The following DGKB variants were observed in gnomAD, a reference collection of about 807,000 sequenced individuals.
The protein encoded by DGKB is 90 kDa diacylglycerol kinase.
In DGKB, 67 loss-of-function variants were observed where a neutral mutation model predicts 114.3. The ratio of observed to expected loss-of-function variants is 0.59; its 90% CI spans 0.48 to 0.72. The LOEUF (loss-of-function observed/expected upper bound fraction) is 0.72, where lower values mean the gene tolerates loss of function less well. DGKB is among the 30% of genes least tolerant of loss of function. DGKB has a pLI of 0.00. For synonymous variants in DGKB, 398 were observed against 323.1 expected (o/e 1.23, Z -2.49); for missense variants, 907 against 975.2 (o/e 0.93, Z 0.93).
chr7:14,879,015 C>A (rs1853801672), intron 1 of DGKB, among the ~76,000 whole-genome samples: 1 of 151,724 alleles, frequency 6.6e-6, no homozygotes, highest in African/African-American at 2.4e-5. Context: ...TATTTTGGTG[C>A]TCAAAAACAC....
intron 18 of DGKB, among the ~76,000 whole-genome samples, chr7:14,582,531 T>C (rs1183415164): frequency 6.6e-6 from 1 of 152,168 alleles, no homozygotes; most frequent in Non-Finnish European, 1.5e-5. Context: ...TTAGGTTCCC[T>C]ATCTCTACAT....
chr7:14,891,366 C>G (rs1781201508), intron 1 of DGKB, among the ~76,000 whole-genome samples: 1 of 151,416 alleles, frequency 6.6e-6, no homozygotes, highest in Non-Finnish European at 1.5e-5. Flanking sequence ...AGTTCACCTA[C>G]TTATTCAGTG....
chr7:14,809,897 G>A (rs1586658379), intron 2 of DGKB, among the ~76,000 whole-genome samples: 1 of 152,104 alleles, frequency 6.6e-6, no homozygotes, highest in African/African-American at 2.4e-5. Flanking sequence ...GAATATCAGG[G>A]TGTTTGCACA....
intron 23 of DGKB, among the ~76,000 whole-genome samples, chr7:14,280,735 C>A (rs1210027061): frequency 2.7e-5 from 4 of 149,156 alleles, no homozygotes; most frequent in African/African-American, 9.9e-5. Context: ...AATTTTCAAC[C>A]CAGAATTTCA....
intron 23 of DGKB, among the ~76,000 whole-genome samples, chr7:14,188,647 G>A (rs1289390020): frequency 4.5e-4 from 40 of 88,140 alleles, no homozygotes; most frequent in African/African-American, 1.3e-3. Flanking sequence ...GCGACAAAGC[G>A]AGACTCCGTC....
At chr7:14,272,384 A>G (rs1436681295) in intron 23 of DGKB, among the ~76,000 whole-genome samples, 3 of 152,208 alleles carry the variant, frequency 2.0e-5, no homozygotes, top group Non-Finnish European at 4.4e-5. Flanking sequence ...ACGTAAAATT[A>G]TAGGTTTGAA....
intron 23 of DGKB, among the ~76,000 whole-genome samples, chr7:14,214,099 T>A (rs1035513603): frequency 6.6e-6 from 1 of 152,118 alleles, no homozygotes; most frequent in African/African-American, 2.4e-5. Flanking sequence ...AATTATTTCC[T>A]AACTGGTCTC....
intron 1 of DGKB, among the ~76,000 whole-genome samples, chr7:14,874,085 T>G (rs1852891103): frequency 6.6e-6 from 1 of 152,124 alleles, no homozygotes; most frequent in African/African-American, 2.4e-5. Context: ...AAGGTTGAGT[T>G]TCTCCAGTTG....
intron 4 of DGKB, among the ~76,000 whole-genome samples, chr7:14,740,686 T>G (rs1832454372): frequency 6.6e-6 from 1 of 152,114 alleles, no homozygotes; most frequent in African/African-American, 2.4e-5. Context: ...ATATCATGGA[T>G]AGAGGTCATA....
intron 25 of DGKB, among the ~76,000 whole-genome samples, chr7:14,169,852 C>G (rs577568756): frequency 6.6e-6 from 1 of 151,962 alleles, no homozygotes; most frequent in African/African-American, 2.4e-5. Flanking sequence ...TACATTAAGG[C>G]AGCCAGGTGC....
At chr7:14,778,662 C>A (rs948368685) in intron 2 of DGKB, among the ~76,000 whole-genome samples, 1 of 151,998 alleles carries the variant, frequency 6.6e-6, no homozygotes, top group Admixed American at 6.6e-5. Context: ...GAAAAACATA[C>A]CTAAACTAAG....
chr7:14,191,809 C>CCAAA (rs1309847729), intron 23 of DGKB: 1 of 422,214 alleles, frequency 2.4e-6, no homozygotes, highest in Admixed American at 2.6e-5. Context: ...CTATTCTGCA[C>CCAAA]CAAACAGGCT....
intron 9 of DGKB, among the ~76,000 whole-genome samples, chr7:14,690,180 T>C (rs1456647340): frequency 2.0e-5 from 3 of 152,246 alleles, no homozygotes. Flanking sequence ...ATTTCAGAAA[T>C]TGAAGCCTTA....
rs189593284 is a variant in DGKB, at chr7:14,631,279, A to G, written c.1135-1011T>C. Reference sequence around the variant, plus strand: ...AGCAAGAACCAAAAAAAAAAAAAAAAAAAGAAAAAAATAGCTGAATCTGAG... The same window carrying G: ...AGCAAGAACCAAAAAAAAAAAAAAAGAAAGAAAAAAATAGCTGAATCTGAG... On this transcript the variant is annotated intron_variant, in intron 13 of 25. Transcript: ENST00000402815. Among the ~76,000 whole-genome samples the G allele has an allele frequency of 3.2e-3, 452 of 143,256 alleles. 2 individuals are homozygous for G. Among genetic ancestry groups the G allele is most frequent in the South Asian group, 0.013 (63 of 4,782 alleles). 94.0% of individuals were successfully genotyped at this position (143,256 alleles called of 152,430 possible).
intron 25 of DGKB, among the ~76,000 whole-genome samples, chr7:14,160,092 AT>A (rs1449509842): frequency 1.1e-4 from 17 of 152,226 alleles, no homozygotes; most frequent in African/African-American, 3.6e-4. Flanking sequence ...TGAGAATGAT[AT>A]GATATAATCT....
chr7:14,368,919 G>A (rs536772645), intron 21 of DGKB, among the ~76,000 whole-genome samples: 4 of 151,982 alleles, frequency 2.6e-5, no homozygotes, highest in African/African-American at 9.7e-5. Flanking sequence ...CAGTGGTGCT[G>A]TGTTTTGTTG....
chr7:14,491,412 T>G (rs1276052543), intron 20 of DGKB, among the ~76,000 whole-genome samples: 1 of 152,116 alleles, frequency 6.6e-6, no homozygotes, highest in Non-Finnish European at 1.5e-5. Flanking sequence ...CCATTAAATC[T>G]CTTTTTCTTT....
intron 1 of DGKB, among the ~76,000 whole-genome samples, chr7:14,900,203 T>A (rs1022479598): frequency 6.6e-6 from 1 of 152,166 alleles, no homozygotes; most frequent in African/African-American, 2.4e-5. Context: ...AGATATTGAC[T>A]ATGGTATTGG....
chr7:14,641,037 T>A (rs1811677973), intron 13 of DGKB, among the ~76,000 whole-genome samples: 1 of 152,190 alleles, frequency 6.6e-6, no homozygotes. Context: ...AGCAGAAATA[T>A]CAACATAGAA....
Sources: gnomAD v4.1 joint callset for allele counts (sites outside exome capture counted in the v4.1 genomes callset) on GRCh38, gnomAD v4.1.1 for gene constraint, MANE v1.5 for transcripts, NCBI Gene and HGNC (gene_info 2026-07-23, HGNC 2026-07-21) for gene names.